Variants in DPP6 observed in about 807,000 individuals in gnomAD.
DPP6 encodes the protein A-type potassium channel modulatory protein DPP6.
A neutral mutation model predicts 122.6 loss-of-function variants in DPP6; 69 were observed. The ratio of observed to expected loss-of-function variants is 0.56; its 90% CI spans 0.46 to 0.69. DPP6 has a LOEUF of 0.69. Among genes scored for constraint, DPP6 ranks in the 30% least tolerant of loss-of-function variants. The pLI, the probability that DPP6 is intolerant of heterozygous loss-of-function variation, is 0.00. For missense variants in DPP6, 928 were observed against 1,116.9 expected (o/e 0.83, Z 2.41); for synonymous variants, 418 against 433.1 (o/e 0.97, Z 0.43).
intron 1 of DPP6, among the ~76,000 whole-genome samples, chr7:154,221,454 G>A (rs923829772): frequency 6.6e-6 from 1 of 151,998 alleles, no homozygotes; most frequent in African/African-American, 2.4e-5. Flanking sequence ...CACTGTGCTC[G>A]ACCCTCATTA....
chr7:154,137,492 A>G (rs891953327), intron 1 of DPP6, among the ~76,000 whole-genome samples: 11 of 151,638 alleles, frequency 7.3e-5, no homozygotes, highest in South Asian at 2.1e-4. Context: ...TTTCTATAAA[A>G]AATTGGAATC....
At chr7:153,829,524 T>C in the DPP6 span, among the ~76,000 whole-genome samples, 1 of 152,194 alleles carries the variant, frequency 6.6e-6, no homozygotes, top group Non-Finnish European at 1.5e-5. Context: ...TGTCCTCCTC[T>C]TTTTTGTCTC....
chr7:154,058,302 A>G (rs1232230799), intron 1 of DPP6: 1 of 127,266 alleles, frequency 7.9e-6, no homozygotes, highest in African/African-American at 3.0e-5. Context: ...CTTTGCTCTT[A>G]GGATCCCCAT....
chr7:154,592,825 CT>C (rs1174746917), intron 5 of DPP6, among the ~76,000 whole-genome samples: 1 of 152,166 alleles, frequency 6.6e-6, no homozygotes, highest in Non-Finnish European at 1.5e-5. Flanking sequence ...CTCACAGCCA[CT>C]TTTTCCCCAG....
intron 3 of DPP6, among the ~76,000 whole-genome samples, chr7:154,490,536 A>G (rs1203705686): frequency 6.6e-6 from 1 of 152,292 alleles, no homozygotes; most frequent in South Asian, 2.1e-4. Flanking sequence ...TTTCCACCAG[A>G]TGTTATTTAC....
chr7:153,766,054 G>C, the DPP6 span, among the ~76,000 whole-genome samples: 1 of 152,170 alleles, frequency 6.6e-6, no homozygotes, highest in African/African-American at 2.4e-5. Flanking sequence ...GAGTGGTAAG[G>C]CTCCACTGCT....
At chr7:153,976,594 A>C (rs1287362265) in intron 1 of DPP6, among the ~76,000 whole-genome samples, 1 of 152,240 alleles carries the variant, frequency 6.6e-6, no homozygotes, top group Non-Finnish European at 1.5e-5. Context: ...CATACTGAGA[A>C]ATAGTGTTAT....
chr7:153,989,313 A>T (rs1238471434), intron 1 of DPP6, among the ~76,000 whole-genome samples: 3 of 141,992 alleles, frequency 2.1e-5, no homozygotes, highest in African/African-American at 7.7e-5. Flanking sequence ...GAGTGTGGGG[A>T]GTAAGATTTG....
At chr7:153,797,770 A>G in the DPP6 span, among the ~76,000 whole-genome samples, 3 of 152,190 alleles carry the variant, frequency 2.0e-5, no homozygotes, top group African/African-American at 7.2e-5. Flanking sequence ...TTCCTGGCTT[A>G]TAGGCGGCCA....
In DPP6 at chr7:154,058,788, G is replaced by A. The variant is rs567781856; in HGVS notation, c.243+5725G>A. The A allele has an allele frequency of 5.9e-5, 9 of 151,346 alleles. 1 individual carries two copies. The highest frequency in any genetic ancestry group is 2.2e-4 in the African/African-American group (9 of 40,934). 9.4% of individuals were successfully genotyped at this position (151,346 alleles called of 1,614,324 possible). A position where few individuals can be genotyped will look rare whatever the true frequency, so the allele number is the denominator to read the frequency against. On this transcript the variant is annotated intron_variant, in intron 1 of 25. Coordinates refer to ENST00000377770, the MANE Select transcript of DPP6 (RefSeq NM_130797.4). ...GCTCTGAGGAACCCCATCACAGGAG[G>A]GGGAGGCACCCCCCACGACAGTGGG...
chr7:153,779,959 T>A, the DPP6 span, among the ~76,000 whole-genome samples: 1 of 151,984 alleles, frequency 6.6e-6, no homozygotes, highest in Non-Finnish European at 1.5e-5. Flanking sequence ...TGTAACATTT[T>A]TACAAATATA....
At chr7:154,759,168 G>A (rs981175548) in intron 8 of DPP6, among the ~76,000 whole-genome samples, 1 of 152,128 alleles carries the variant, frequency 6.6e-6, no homozygotes, top group African/African-American at 2.4e-5. Context: ...CCACCACCCC[G>A]CAGGGATGCT....
intron 1 of DPP6, among the ~76,000 whole-genome samples, chr7:154,141,549 C>T (rs1432812690): frequency 3.3e-5 from 5 of 152,308 alleles, no homozygotes; most frequent in South Asian, 2.1e-4. Flanking sequence ...ATCAGCCAGT[C>T]GATGCAGGTG....
chr7:154,844,702 C>A (rs964037286), intron 16 of DPP6, among the ~76,000 whole-genome samples: 1 of 152,150 alleles, frequency 6.6e-6, no homozygotes, highest in Non-Finnish European at 1.5e-5. Context: ...CGACCTCAGA[C>A]CACCAGAGGG....
intron 4 of DPP6, among the ~76,000 whole-genome samples, chr7:154,553,736 G>A (rs1040494076): frequency 6.6e-6 from 1 of 151,992 alleles, no homozygotes; most frequent in Non-Finnish European, 1.5e-5. Flanking sequence ...ATAAGATAGG[G>A]CTGAGGCCGC....
chr7:154,536,334 T>G (rs1490979647), intron 3 of DPP6, among the ~76,000 whole-genome samples: 1 of 152,174 alleles, frequency 6.6e-6, no homozygotes, highest in Admixed American at 6.5e-5. Context: ...GTCTTTCACA[T>G]CCCTTGTTAG....
Position 154,875,860 on chromosome 7 carries a change from C to T in DPP6, c.1884-46C>T. 1.3e-6 allele frequency: 2 copies of T among 1,571,322 alleles called. No homozygotes were observed. The highest frequency in any genetic ancestry group is 8.6e-7 in the Non-Finnish European group (1 of 1,159,896). Reference sequence around the variant, plus strand: ...ACGTGGCAGCTGCTAGACCAGCCGCCACCCACCACGCAGCAGGCCTGCTGA... The same window carrying T: ...ACGTGGCAGCTGCTAGACCAGCCGCTACCCACCACGCAGCAGGCCTGCTGA... On this transcript the variant is annotated intron_variant, in intron 19 of 25. Transcript: ENST00000377770. This position sits in a 1 kb window ranked among gnomAD's most constrained non-coding sequence, Gnocchi z 4.5.
intron 1 of DPP6, among the ~76,000 whole-genome samples, chr7:154,063,697 C>T (rs35410000): frequency 0.23 from 28,327 of 125,220 alleles, 4,063 homozygotes; most frequent in Middle Eastern, 0.34. Context: ...AGGCACCTCC[C>T]GTGAGGTGGG....
chr7:153,772,102 T>A, the DPP6 span, among the ~76,000 whole-genome samples: 1 of 152,148 alleles, frequency 6.6e-6, no homozygotes, highest in Non-Finnish European at 1.5e-5. Context: ...GAAGTATATA[T>A]AAATACAGTC....
Sources: gnomAD v4.1 joint callset for allele counts (sites outside exome capture counted in the v4.1 genomes callset) on GRCh38, gnomAD v4.1.1 for gene constraint, Gnocchi (gnomAD v3.1) non-coding constraint, MANE v1.5 for transcripts, NCBI Gene and HGNC (gene_info 2026-07-23, HGNC 2026-07-21) for gene names.